Variants in CACNA2D3 observed in about 807,000 individuals in gnomAD.
CACNA2D3 encodes the protein voltage-dependent calcium channel subunit alpha-2/delta-3.
In CACNA2D3, 60 loss-of-function variants were observed where a neutral mutation model predicts 160.6. That is an observed-to-expected ratio of 0.37 (90% confidence interval 0.30 to 0.46). The LOEUF is 0.46. Among genes scored for constraint, CACNA2D3 ranks in the 20% least tolerant of loss-of-function variants. CACNA2D3 has a pLI of 1.00. For synonymous variants in CACNA2D3, 558 were observed against 492.9 expected (o/e 1.13, Z -1.75); for missense variants, 1,205 against 1,365.0 (o/e 0.88, Z 1.85).
At chr3:54,689,865 A>G (rs1700541000) in intron 11 of CACNA2D3, among the ~76,000 whole-genome samples, 1 of 152,150 alleles carries the variant, frequency 6.6e-6, no homozygotes, top group African/African-American at 2.4e-5. Context: ...TTTAAAATGC[A>G]TGTTAGCTCA....
chr3:54,775,584 G>A (rs1346733903), intron 13 of CACNA2D3, among the ~76,000 whole-genome samples: 1 of 152,170 alleles, frequency 6.6e-6, no homozygotes, highest in Non-Finnish European at 1.5e-5. Flanking sequence ...GTACCCTTTA[G>A]TTTACAACAG....
intron 26 of CACNA2D3, among the ~76,000 whole-genome samples, chr3:54,898,002 G>C (rs907845641): frequency 6.6e-6 from 1 of 152,130 alleles, no homozygotes; most frequent in African/African-American, 2.4e-5. Flanking sequence ...ATAGACCTGT[G>C]TGTATGCCTG....
chr3:54,890,356 C>T lies in CACNA2D3; in HGVS notation c.2151-999C>T, dbSNP rs138129625. Among the ~76,000 whole-genome samples the T allele has an allele frequency of 4.5e-3, 679 of 151,726 alleles. 5 individuals carry two copies. Among genetic ancestry groups the T allele is most frequent in the Non-Finnish European group, 7.0e-3 (478 of 67,918 alleles). The stretch of plus-strand genomic sequence containing the variant: ...CTAAAAATACAAAAAATAAGCCAGG[C>T]GTGGTGGTAGGCGCCTGTAGTCCCA... On this transcript the variant is annotated intron_variant, in intron 24 of 37. Transcript: ENST00000474759.
At chr3:54,216,134 C>CGT (rs35251785) in intron 2 of CACNA2D3, among the ~76,000 whole-genome samples, 64,068 of 149,358 alleles carry the variant, frequency 0.43, 14,120 homozygotes, top group South Asian at 0.55. Flanking sequence ...TTTAGTTGTA[C>CGT]GTGTGTGTGT....
chr3:54,763,705 G>GTATATATA (rs533189363), intron 12 of CACNA2D3, among the ~76,000 whole-genome samples: 1 of 133,580 alleles, frequency 7.5e-6, no homozygotes, highest in Non-Finnish European at 1.6e-5. Context: ...ATGTATATAT[G>GTATATATA]TATATATATG....
At chr3:54,182,041 T>G (rs868445224) in intron 2 of CACNA2D3, among the ~76,000 whole-genome samples, 12 of 152,316 alleles carry the variant, frequency 7.9e-5, no homozygotes, top group Admixed American at 2.0e-4. Context: ...CTTCTGTAAA[T>G]GTATTTACAG....
chr3:54,731,459 G>A (rs1701384615), intron 11 of CACNA2D3, among the ~76,000 whole-genome samples: 1 of 152,142 alleles, frequency 6.6e-6, no homozygotes, highest in African/African-American at 2.4e-5. Flanking sequence ...GTACATTTAA[G>A]TGTCAAAAGG....
chr3:54,582,423 G>A (rs1414212834), intron 9 of CACNA2D3, among the ~76,000 whole-genome samples: 1 of 152,218 alleles, frequency 6.6e-6, no homozygotes, highest in Non-Finnish European at 1.5e-5. Flanking sequence ...TGGGATAGAG[G>A]TTTCCCCTCC....
Position 54,763,790 on chromosome 3 carries a change from T to TAC in CACNA2D3, c.1247-427_1247-426insCA, listed in dbSNP as rs1559573721. 1.9e-4 allele frequency among the ~76,000 whole-genome samples: 7 copies of TAC among 37,652 alleles called. 2 individuals carry two copies. Among genetic ancestry groups the TAC allele is most frequent in the Non-Finnish European group, 3.8e-4 (7 of 18,448 alleles). 24.7% of individuals were successfully genotyped at this position (37,652 alleles called of 152,430 possible). ...ATATGTATATATGTACATATATATGTATATATATGTACATATATATACATA... is the reference window on the plus strand; with the variant it reads ...ATATGTATATATGTACATATATATGTACATATATATGTACATATATATACATA... On this transcript the variant is annotated intron_variant, in intron 12 of 37. Coordinates refer to ENST00000474759, the MANE Select transcript of CACNA2D3 (RefSeq NM_018398.3).
chr3:54,289,799 T>C (rs371182011), intron 2 of CACNA2D3, among the ~76,000 whole-genome samples: 28 of 151,848 alleles, frequency 1.8e-4, no homozygotes, highest in East Asian at 3.9e-4. Flanking sequence ...GAAAAACAAG[T>C]AATGGGGAAA....
intron 2 of CACNA2D3, among the ~76,000 whole-genome samples, chr3:54,243,491 C>A (rs758219502): frequency 6.6e-6 from 1 of 152,140 alleles, no homozygotes; most frequent in Non-Finnish European, 1.5e-5. Flanking sequence ...ATGTGGGGTT[C>A]GGCTATTGTT....
chr3:54,244,127 A>G (rs1182479531), intron 2 of CACNA2D3, among the ~76,000 whole-genome samples: 2 of 152,076 alleles, frequency 1.3e-5, no homozygotes, highest in Non-Finnish European at 2.9e-5. Context: ...CTGGTGTCCA[A>G]GTACCACAGC....
chr3:54,771,461 CTTCTA>C (rs938832725), intron 13 of CACNA2D3, among the ~76,000 whole-genome samples: 3 of 152,178 alleles, frequency 2.0e-5, no homozygotes, highest in Non-Finnish European at 4.4e-5. Flanking sequence ...TCAGGGGCCT[CTTCTA>C]AGCTCATTCA....
intron 11 of CACNA2D3, among the ~76,000 whole-genome samples, chr3:54,689,181 C>T (rs189337588): frequency 3.3e-5 from 5 of 152,088 alleles, no homozygotes; most frequent in East Asian, 1.9e-4. Context: ...TTAACACAGT[C>T]GATCTCGCCC....
chr3:54,682,156 G>C (rs369566064), intron 11 of CACNA2D3, among the ~76,000 whole-genome samples: 1 of 133,766 alleles, frequency 7.5e-6, no homozygotes, highest in East Asian at 2.0e-4. Flanking sequence ...ATGCAAAACA[G>C]AACAGCACAC....
chr3:54,515,174 C>CTGTGTG (rs34453702), intron 5 of CACNA2D3, among the ~76,000 whole-genome samples: 90 of 134,434 alleles, frequency 6.7e-4, no homozygotes, highest in South Asian at 1.7e-3. Flanking sequence ...GTGTGTGTGT[C>CTGTGTG]TGTGTGTGTG....
intron 15 of CACNA2D3, 117 bp downstream of exon 15, chr3:54,837,347 C>A: frequency 1.2e-6 from 1 of 810,374 alleles, no homozygotes; most frequent in Middle Eastern, 2.4e-4. Flanking sequence ...GTCATTTTTC[C>A]TTATTGTTTG....
At chr3:54,189,925 A>G (rs1449072934) in intron 2 of CACNA2D3, among the ~76,000 whole-genome samples, 2 of 152,222 alleles carry the variant, frequency 1.3e-5, no homozygotes, top group East Asian at 3.8e-4. Flanking sequence ...ATTCTCATAA[A>G]TGCTGTTTGC....
intron 2 of CACNA2D3, among the ~76,000 whole-genome samples, chr3:54,190,886 C>G (rs1415610089): frequency 6.6e-6 from 1 of 152,006 alleles, no homozygotes; most frequent in Non-Finnish European, 1.5e-5. Context: ...AAGACTTAAC[C>G]TCGTTGGGCC....
Sources: gnomAD v4.1 joint callset for allele counts (sites outside exome capture counted in the v4.1 genomes callset) on GRCh38, gnomAD v4.1.1 for gene constraint, MANE v1.5 for transcripts, NCBI Gene and HGNC (gene_info 2026-07-23, HGNC 2026-07-21) for gene names.